The following RANBP2 variants were observed in gnomAD, a reference collection of about 807,000 sequenced individuals.
The protein encoded by RANBP2 is E3 SUMO-protein ligase RanBP2.
In RANBP2, 57 loss-of-function variants were observed where a neutral mutation model predicts 303.6. That is an observed-to-expected ratio of 0.19 (90% CI 0.15 to 0.23). RANBP2 has a LOEUF of 0.23. Ranked by LOEUF, RANBP2 falls within the 10% of genes least tolerant of loss-of-function variation. The pLI, the probability that RANBP2 is intolerant of heterozygous loss-of-function variation, is 1.00. For synonymous variants in RANBP2, 1,167 were observed against 1,301.5 expected, an observed-to-expected ratio of 0.90 and a Z score of 2.23; for missense variants, 3,138 against 3,780.8, an observed-to-expected ratio of 0.83 and a Z score of 4.46.
chr2:109,448,758 C>T, the RANBP2 span, among the ~76,000 whole-genome samples: 1 of 152,192 alleles, frequency 6.6e-6, no homozygotes, highest in Non-Finnish European at 1.5e-5. Flanking sequence ...GCACTTGAAT[C>T]ATCCCGAAAC....
chr2:109,600,548 A>AC, the RANBP2 span, among the ~76,000 whole-genome samples: 1 of 151,968 alleles, frequency 6.6e-6, no homozygotes, highest in Non-Finnish European at 1.5e-5. Flanking sequence ...GAAAAAAAAA[A>AC]AAAACCACAA....
the RANBP2 span, among the ~76,000 whole-genome samples, chr2:109,407,748 A>T: frequency 1.0e-3 from 30 of 29,748 alleles, no homozygotes; most frequent in East Asian, 0.011. Flanking sequence ...GGGATGAATA[A>T]AAAAAAAATT....
In RANBP2 at chr2:108,763,342, T is replaced by C; in HGVS notation, c.2803T>C (p.Ser935Pro). The stretch of plus-strand genomic sequence containing the variant: ...GCAAAGCTCATCTGCTTGTATGTTC[T>C]CTCAGGAGATGTATGGTCCTCCTGC... Reference protein sequence around the residue: ...PVQSSSACMFSQEMYGPPALR... With the variant: ...PVQSSSACMFPQEMYGPPALR... The change falls in exon 20 of 29, where the codon TCT (serine) becomes CCT (proline). Residue 935 changes from serine to proline, a missense_variant. Coordinates refer to ENST00000283195, the MANE Select transcript of RANBP2 (RefSeq NM_006267.5). 6.2e-7 allele frequency: 1 copy of C among 1,614,000 alleles called. No homozygotes were observed. Among genetic ancestry groups the C allele is most frequent in the Non-Finnish European group, 8.5e-7 (1 of 1,179,964 alleles).
At chr2:109,485,252 C>T in the RANBP2 span, among the ~76,000 whole-genome samples, 6,179 of 152,342 alleles carry the variant, frequency 0.041, 157 homozygotes, top group Non-Finnish European at 0.06. Flanking sequence ...GGGACAGCCA[C>T]CTGTCTCCAC....
the RANBP2 span, among the ~76,000 whole-genome samples, chr2:109,262,872 G>A: frequency 7.3e-5 from 11 of 151,636 alleles, no homozygotes; most frequent in Non-Finnish European, 1.6e-4. Flanking sequence ...TTCCTCTGTT[G>A]TCCAGGCTGG....
chr2:109,379,837 C>T, the RANBP2 span, among the ~76,000 whole-genome samples: 1,565 of 152,216 alleles, frequency 0.01, 14 homozygotes, highest in Non-Finnish European at 0.017. Context: ...GACCAGAAGG[C>T]AGGGACCAGG....
the RANBP2 span, among the ~76,000 whole-genome samples, chr2:109,509,062 G>A: frequency 7.2e-3 from 1,102 of 152,334 alleles, 14 homozygotes; most frequent in African/African-American, 0.023. Flanking sequence ...GGAAGGAAGT[G>A]CCCATCCGTC....
At chr2:109,270,988 T>C in the RANBP2 span, among the ~76,000 whole-genome samples, 1 of 152,226 alleles carries the variant, frequency 6.6e-6, no homozygotes, top group East Asian at 1.9e-4. Flanking sequence ...ATATGTTTAT[T>C]CCATTTTCTG....
the RANBP2 span, chr2:108,907,722 T>C: frequency 2.1e-6 from 2 of 955,432 alleles, no homozygotes; most frequent in Non-Finnish European, 3.3e-6. Flanking sequence ...AACTTGTCAC[T>C]GTCCAGGTCT....
At chr2:109,240,343 T>G in the RANBP2 span, among the ~76,000 whole-genome samples, 1 of 152,028 alleles carries the variant, frequency 6.6e-6, no homozygotes, top group Non-Finnish European at 1.5e-5. Context: ...AAAAAATTAG[T>G]CAGGTGTGGT....
the RANBP2 span, among the ~76,000 whole-genome samples, chr2:108,997,900 C>CAAA: frequency 5.9e-5 from 9 of 152,024 alleles, no homozygotes; most frequent in Non-Finnish European, 1.3e-4. Flanking sequence ...CAAAAAGCAA[C>CAAA]AACAACAACA....
At chr2:109,632,556 A>G in the RANBP2 span, among the ~76,000 whole-genome samples, 1 of 152,180 alleles carries the variant, frequency 6.6e-6, no homozygotes, top group African/African-American at 2.4e-5. Context: ...GCTCACGCCT[A>G]TAATCCCAGG....
At chr2:109,724,392 A>G in the RANBP2 span, among the ~76,000 whole-genome samples, 1 of 152,204 alleles carries the variant, frequency 6.6e-6, no homozygotes, top group South Asian at 2.1e-4. Context: ...GATTTTTCCT[A>G]CCTATGAGCA....
At chr2:109,366,520 G>A in the RANBP2 span, among the ~76,000 whole-genome samples, 1 of 152,194 alleles carries the variant, frequency 6.6e-6, no homozygotes, top group African/African-American at 2.4e-5. Context: ...ATACATACTT[G>A]AGGAGAATAT....
the RANBP2 span, among the ~76,000 whole-genome samples, chr2:109,766,519 A>G: frequency 4.0e-5 from 6 of 150,514 alleles, 1 homozygote; most frequent in Non-Finnish European, 7.4e-5. Context: ...GACGTTGAAG[A>G]TGAGTATTGT....
At chr2:109,161,040 G>A in the RANBP2 span, among the ~76,000 whole-genome samples, 4 of 152,274 alleles carry the variant, frequency 2.6e-5, no homozygotes, top group South Asian at 8.3e-4. Context: ...TGTGAGAGAT[G>A]GAGAGGCAGA....
chr2:109,046,736 G>C, the RANBP2 span, among the ~76,000 whole-genome samples: 1 of 152,260 alleles, frequency 6.6e-6, no homozygotes, highest in East Asian at 1.9e-4. Context: ...CACTTGAACA[G>C]ACTGGAGACA....
At chr2:108,990,131 A>C in the RANBP2 span, among the ~76,000 whole-genome samples, 1 of 152,172 alleles carries the variant, frequency 6.6e-6, no homozygotes, top group Non-Finnish European at 1.5e-5. Flanking sequence ...CTCCGTCCCT[A>C]CTAAAAATAC....
the RANBP2 span, among the ~76,000 whole-genome samples, chr2:109,084,456 T>C: frequency 3.3e-5 from 5 of 152,080 alleles, no homozygotes; most frequent in African/African-American, 7.2e-5. Context: ...GATACTGGAG[T>C]GACATGACAG....
Sources: allele counts gnomAD v4.1 joint callset (sites outside exome capture counted in the v4.1 genomes callset), GRCh38; gene constraint gnomAD v4.1.1; transcripts MANE v1.5; gene names NCBI Gene and HGNC (gene_info 2026-07-23, HGNC 2026-07-21).